The following PHF20 variants were observed in gnomAD, a reference collection of about 807,000 sequenced individuals.
PHF20 encodes PHD finger protein 20, also known as glioma-expressed antigen 2.
PHF20 carries 23 observed loss-of-function variants against 113.5 expected under a neutral mutation model. That is an observed-to-expected ratio of 0.20 (90% confidence interval 0.15 to 0.29). The LOEUF is 0.29. PHF20 is among the 10% of genes least tolerant of loss of function. The probability of loss-of-function intolerance (pLI) is 1.00; values close to 1 mark genes in which losing one functional copy is unlikely to be tolerated. For missense variants in PHF20, 943 were observed against 1,219.6 expected (o/e 0.77, Z 3.38); for synonymous variants, 434 against 457.3 (o/e 0.95, Z 0.65).
intron 5 of PHF20, among the ~76,000 whole-genome samples, chr20:35,858,630 G>A (rs2042881202): frequency 6.6e-6 from 1 of 152,200 alleles, no homozygotes. Context: ...GAGTACAATG[G>A]TGCGATCTTG....
chr20:35,795,635 A>C (rs1479707582), intron 1 of PHF20, among the ~76,000 whole-genome samples: 1 of 152,160 alleles, frequency 6.6e-6, no homozygotes, highest in African/African-American at 2.4e-5. Flanking sequence ...TCCCCATATC[A>C]TAAGTGAAGA....
At chr20:35,911,724 T>C (rs2055307724) in intron 10 of PHF20, among the ~76,000 whole-genome samples, 1 of 152,104 alleles carries the variant, frequency 6.6e-6, no homozygotes, top group African/African-American at 2.4e-5. Context: ...AATGGTGCGA[T>C]CTGGGCTCAC....
At chr20:35,936,123 T>C (rs1241144835) in intron 15 of PHF20, among the ~76,000 whole-genome samples, 1 of 152,144 alleles carries the variant, frequency 6.6e-6, no homozygotes, top group Non-Finnish European at 1.5e-5. Context: ...GCAGAGACTT[T>C]AATGGTTTTT....
chr20:35,896,628 C>G (rs2054989480), intron 9 of PHF20, among the ~76,000 whole-genome samples: 1 of 149,662 alleles, frequency 6.7e-6, no homozygotes, highest in Admixed American at 6.7e-5. Context: ...CTGGACCAGT[C>G]TCTACTAAAG....
Position 35,842,569 on chromosome 20 carries a change from T to A in PHF20, c.84-4T>A. The A allele has an allele frequency of 6.3e-7, 1 of 1,599,320 alleles. No individual in the cohort carries two copies. The highest frequency in any genetic ancestry group is 8.5e-7 in the Non-Finnish European group (1 of 1,175,620). ...GAATGCCAATTTTTTTTTTTCTGAC[T>A]CAGGTATCCAGCTCACATAGAAGAC... On this transcript the variant is annotated splice_region_variant and splice_polypyrimidine_tract_variant and intron_variant, in intron 2 of 17. Transcript: ENST00000374012.
At chr20:35,903,596 T>G (rs1164342111) in intron 10 of PHF20, among the ~76,000 whole-genome samples, 1 of 152,130 alleles carries the variant, frequency 6.6e-6, no homozygotes, top group East Asian at 1.9e-4. Flanking sequence ...CTAGACAACA[T>G]GGCGATTACC....
chr20:35,872,390 G>A (rs1486588944), intron 9 of PHF20, among the ~76,000 whole-genome samples: 3 of 152,054 alleles, frequency 2.0e-5, no homozygotes, highest in South Asian at 2.1e-4. Flanking sequence ...GGGCATGGTG[G>A]CAGGCACCTG....
At chr20:35,868,457 A>ATT (rs199735622) in intron 6 of PHF20, among the ~76,000 whole-genome samples, 106 of 148,426 alleles carry the variant, frequency 7.1e-4, no homozygotes, top group African/African-American at 2.6e-3. Context: ...AAAAAAAAAA[A>ATT]ATTTTGCTAG....
chr20:35,892,202 C>A (rs527830242), intron 9 of PHF20, among the ~76,000 whole-genome samples: 1 of 150,870 alleles, frequency 6.6e-6, no homozygotes, highest in Non-Finnish European at 1.5e-5. Flanking sequence ...GGACTACAGG[C>A]ATGCACCACC....
At chr20:35,861,050 C>G (rs949972054) in intron 5 of PHF20, among the ~76,000 whole-genome samples, 1 of 152,044 alleles carries the variant, frequency 6.6e-6, no homozygotes, top group Non-Finnish European at 1.5e-5. Flanking sequence ...GCCCAAGGCT[C>G]CTGGACTTGG....
chr20:35,789,849 GCCCCCC>G (rs34528802), intron 1 of PHF20, among the ~76,000 whole-genome samples: 1 of 73,176 alleles, frequency 1.4e-5, no homozygotes, highest in Admixed American at 2.0e-4. Context: ...CCCAGCCCCC[GCCCCCC>G]CCCCCCCCTT....
intron 1 of PHF20, among the ~76,000 whole-genome samples, chr20:35,787,204 A>C (rs1013450559): frequency 1.2e-4 from 18 of 150,878 alleles, no homozygotes; most frequent in African/African-American, 4.2e-4. Flanking sequence ...TTTCAGACAG[A>C]GTTTCACTCT....
intron 1 of PHF20, among the ~76,000 whole-genome samples, chr20:35,775,535 C>G (rs1251184534): frequency 6.6e-6 from 1 of 151,950 alleles, no homozygotes; most frequent in Non-Finnish European, 1.5e-5. Flanking sequence ...GCGGGCAGAT[C>G]ACGAGGTCAG....
At chr20:35,926,499 A>G (rs1358724170) in intron 13 of PHF20, among the ~76,000 whole-genome samples, 1 of 151,636 alleles carries the variant, frequency 6.6e-6, no homozygotes, top group Non-Finnish European at 1.5e-5. Flanking sequence ...TCGGCCTCCC[A>G]AAGTGCTGGG....
At chr20:35,893,191 A>AG (rs1249015791) in intron 9 of PHF20, among the ~76,000 whole-genome samples, 1 of 152,224 alleles carries the variant, frequency 6.6e-6, no homozygotes, top group Non-Finnish European at 1.5e-5. Flanking sequence ...TTGCTTTTGC[A>AG]GGGGGAATTT....
At position 35,911,837 on chromosome 20, in the gene PHF20, T is replaced by G. The variant is rs2055310631; in HGVS notation, c.1562-1412T>G. 2.6e-5 allele frequency among the ~76,000 whole-genome samples: 4 copies of G among 152,110 alleles called. No homozygotes were observed. The South Asian group carries it at 8.3e-4, about 32-fold the overall frequency. ...CCACGCCTGACTAATTTTTATATTT[T>G]TAGTAGAGACGGGGTTTTGCCATGT... On this transcript the variant is annotated intron_variant, in intron 10 of 17. Coordinates refer to ENST00000374012, the MANE Select transcript of PHF20 (RefSeq NM_016436.5).
intron 1 of PHF20, among the ~76,000 whole-genome samples, chr20:35,781,956 A>C (rs2041306864): frequency 6.6e-6 from 1 of 151,220 alleles, no homozygotes; most frequent in Non-Finnish European, 1.5e-5. Context: ...TCAAAAAAAA[A>C]AAAAATTATA....
intron 4 of PHF20, 116 bp from the exon 5 acceptor site, chr20:35,858,186 T>G (rs1395429746): frequency 2.1e-5 from 11 of 535,280 alleles, no homozygotes; most frequent in Non-Finnish European, 3.3e-5. Flanking sequence ...TCTTAAACAG[T>G]TTTAAACTCC....
At chr20:35,882,775 C>T (rs2054658292) in intron 9 of PHF20, among the ~76,000 whole-genome samples, 1 of 152,104 alleles carries the variant, frequency 6.6e-6, no homozygotes, top group Admixed American at 6.6e-5. Flanking sequence ...GTCTGTAATC[C>T]CAGCACTTTT....
Sources: allele counts gnomAD v4.1 joint callset (sites outside exome capture counted in the v4.1 genomes callset), GRCh38; gene constraint gnomAD v4.1.1; transcripts MANE v1.5; gene names NCBI Gene and HGNC (gene_info 2026-07-23, HGNC 2026-07-21).